The following UCK2 variants were observed in gnomAD, a reference collection of about 807,000 sequenced individuals.
UCK2 encodes the protein uridine-cytidine kinase 2, also known as cytidine monophosphokinase 2.
In UCK2, 6 loss-of-function variants were observed where a neutral mutation model predicts 30.8. That is an observed-to-expected ratio of 0.19 (90% confidence interval 0.11 to 0.38). The LOEUF (loss-of-function observed/expected upper bound fraction) is 0.38, where lower values mean the gene tolerates loss of function less well. UCK2 is among the 10% of genes least tolerant of loss of function. The pLI is 1.00. For synonymous variants in UCK2, 125 were observed against 133.6 expected (o/e 0.94, Z 0.45); for missense variants, 210 against 339.8 (o/e 0.62, Z 3.00).
intron 6 of UCK2, among the ~76,000 whole-genome samples, chr1:165,906,606 G>A (rs554892216): frequency 1.3e-5 from 2 of 152,156 alleles, no homozygotes; most frequent in Non-Finnish European, 1.5e-5. Flanking sequence ...TACCTCAAGC[G>A]ACCCTTCCAT....
chr1:165,880,118 G>T (rs1655445932), intron 1 of UCK2, among the ~76,000 whole-genome samples: 1 of 152,198 alleles, frequency 6.6e-6, no homozygotes, highest in South Asian at 2.1e-4. Flanking sequence ...GTTTACTCAT[G>T]TGCGGCCTGC....
chr1:165,837,447 T>A (rs943015581), intron 1 of UCK2, among the ~76,000 whole-genome samples: 1 of 152,154 alleles, frequency 6.6e-6, no homozygotes, highest in Non-Finnish European at 1.5e-5. Context: ...TTTGCTAACA[T>A]TCATCTCAAC....
intron 1 of UCK2, among the ~76,000 whole-genome samples, chr1:165,871,913 G>A (rs368008717): frequency 2.0e-5 from 3 of 152,116 alleles, no homozygotes; most frequent in Non-Finnish European, 4.4e-5. Context: ...TATATAAAGA[G>A]CTTTTATAAA....
At chr1:165,890,092 C>T in intron 1 of UCK2, 112 bp from the exon 2 acceptor site, 1 of 1,237,334 alleles carries the variant, frequency 8.1e-7, no homozygotes, top group Non-Finnish European at 1.2e-6. Flanking sequence ...TGGATTCTTC[C>T]TTCCAGAGCC....
chr1:165,878,158 C>A (rs545742619), intron 1 of UCK2, among the ~76,000 whole-genome samples: 3 of 152,270 alleles, frequency 2.0e-5, no homozygotes, highest in South Asian at 4.2e-4. Context: ...TTCCCCTAAC[C>A]CCTGGCAACC....
At chr1:165,895,668 T>A (rs886812336) in intron 3 of UCK2, 1 of 985,490 alleles carries the variant, frequency 1.0e-6, no homozygotes, top group East Asian at 1.1e-4. Flanking sequence ...CCAAAACTTT[T>A]CTTTATTTTC....
In UCK2 at chr1:165,909,517, A is replaced by G. The variant is rs1452580897; in HGVS notation, c.*1694A>G. ...AGTCTGATTCCCCGTTTCTGGGCTC[A>G]GTTTGACTCTAAATCTGTTTTGCTA... On this transcript the variant is annotated 3_prime_UTR_variant, in exon 7 of 7. Coordinates refer to ENST00000367879, the MANE Select transcript of UCK2 (RefSeq NM_012474.5). 1 of 152,232 alleles carries G rather than the reference A, an allele frequency of 6.6e-6. No homozygotes were observed. Among genetic ancestry groups the G allele is most frequent in the Non-Finnish European group, 1.5e-5 (1 of 68,048 alleles). 9.4% of individuals were successfully genotyped at this position (152,232 alleles called of 1,614,324 possible).
intron 1 of UCK2, among the ~76,000 whole-genome samples, chr1:165,869,690 TG>T (rs58377169): frequency 0.81 from 104,190 of 129,078 alleles, 42,107 homozygotes; most frequent in African/African-American, 0.87. Flanking sequence ...TTTAAAGAGA[TG>T]GGGGTCTTGC....
At chr1:165,863,130 C>T (rs1654960204) in intron 1 of UCK2, among the ~76,000 whole-genome samples, 1 of 152,132 alleles carries the variant, frequency 6.6e-6, no homozygotes, top group Non-Finnish European at 1.5e-5. Flanking sequence ...GTGCCAGGTG[C>T]CAGGTGTGCT....
At chr1:165,881,180 CTT>C (rs1655491719) in intron 1 of UCK2, among the ~76,000 whole-genome samples, 1 of 52,708 alleles carries the variant, frequency 1.9e-5, no homozygotes, top group Non-Finnish European at 3.5e-5. Flanking sequence ...CTCAATAAAA[CTT>C]AAAAAAAAAA....
chr1:165,849,878 G>C (rs1442633061), intron 1 of UCK2, among the ~76,000 whole-genome samples: 1 of 152,088 alleles, frequency 6.6e-6, no homozygotes, highest in Non-Finnish European at 1.5e-5. Context: ...TTTTCACCCA[G>C]CTCTTAAACA....
At chr1:165,858,926 T>C (rs558835046) in intron 1 of UCK2, among the ~76,000 whole-genome samples, 1 of 152,304 alleles carries the variant, frequency 6.6e-6, no homozygotes, top group African/African-American at 2.4e-5. Context: ...AGGGACTATT[T>C]TGTTAGCTAC....
intron 1 of UCK2, among the ~76,000 whole-genome samples, chr1:165,831,125 G>A (rs552028340): frequency 2.0e-4 from 31 of 151,788 alleles, no homozygotes; most frequent in African/African-American, 7.2e-4. Context: ...ACCAAAAAAG[G>A]TTATGGCTGA....
chr1:165,881,364 T>G lies in UCK2; in HGVS notation c.100-8840T>G, dbSNP rs927988872. Among the ~76,000 whole-genome samples the G allele has an allele frequency of 3.7e-4, 56 of 152,010 alleles. 2 individuals carry two copies. Among genetic ancestry groups the G allele is most frequent in the African/African-American group, 1.3e-3 (53 of 41,382 alleles). ...TGTACTTACTCAGGGTTTTTTTTTG[T>G]TTGTTTGTTTGTTTTCTATCTTGAT... On this transcript the variant is annotated intron_variant, in intron 1 of 6. Transcript: ENST00000367879.
chr1:165,869,632 G>A (rs568925970), intron 1 of UCK2, among the ~76,000 whole-genome samples: 17 of 147,306 alleles, frequency 1.2e-4, no homozygotes, highest in African/African-American at 4.2e-4. Flanking sequence ...CATCCTAATG[G>A]GTATGAAAGA....
At chr1:165,863,509 TTGTC>T (rs1654972040) in intron 1 of UCK2, among the ~76,000 whole-genome samples, 2 of 152,226 alleles carry the variant, frequency 1.3e-5, no homozygotes, top group South Asian at 2.1e-4. Flanking sequence ...CCTCACCCGT[TTGTC>T]TGGGAAAATG....
chr1:165,894,712 C>G (rs1356102653), intron 3 of UCK2: 1 of 151,990 alleles, frequency 6.6e-6, no homozygotes, highest in African/African-American at 2.4e-5. Context: ...GCTAGCTACC[C>G]TAGCAGTGCC....
chr1:165,862,851 T>C (rs932730067), intron 1 of UCK2, among the ~76,000 whole-genome samples: 2 of 152,180 alleles, frequency 1.3e-5, no homozygotes, highest in African/African-American at 4.8e-5. Context: ...CTTCCCTGTT[T>C]ATGGTTTTTG....
intron 1 of UCK2, among the ~76,000 whole-genome samples, chr1:165,873,982 A>G (rs1557841990): frequency 6.6e-6 from 1 of 152,172 alleles, no homozygotes; most frequent in Non-Finnish European, 1.5e-5. Flanking sequence ...ATTTCAGTGT[A>G]AACATAGGTA....
Sources: gnomAD v4.1 joint callset for allele counts (sites outside exome capture counted in the v4.1 genomes callset) on GRCh38, gnomAD v4.1.1 for gene constraint, MANE v1.5 for transcripts, NCBI Gene and HGNC (gene_info 2026-07-23, HGNC 2026-07-21) for gene names.